Variants in SPATS2 observed in about 807,000 individuals in gnomAD.
SPATS2 encodes the protein spermatogenesis associated serine rich 2, also known as spermatogenesis-associated serine-rich protein 2.
SPATS2 carries 38 observed loss-of-function variants against 63.7 expected under a neutral mutation model. The observed-to-expected ratio is 0.60, with a 90% confidence interval of 0.46 to 0.78. The LOEUF (loss-of-function observed/expected upper bound fraction) is 0.78. Among genes scored for constraint, SPATS2 ranks in the 30% least tolerant of loss-of-function variants. The pLI is 0.00. For missense variants in SPATS2, 588 were observed against 666.2 expected, an observed-to-expected ratio of 0.88 and a Z score of 1.29; for synonymous variants, 207 against 232.9, an observed-to-expected ratio of 0.89 and a Z score of 1.01.
At chr12:49,441,234 A>G (rs1218704070) in intron 2 of SPATS2, among the ~76,000 whole-genome samples, 1 of 152,176 alleles carries the variant, frequency 6.6e-6, no homozygotes, top group Non-Finnish European at 1.5e-5. Flanking sequence ...GGCTTGGATT[A>G]GTACTTATTT....
At chr12:49,500,745 C>A (rs1195064374) in intron 9 of SPATS2, among the ~76,000 whole-genome samples, 1 of 151,638 alleles carries the variant, frequency 6.6e-6, no homozygotes, top group Non-Finnish European at 1.5e-5. Context: ...GCACTCCAGG[C>A]TGGGCGACAG....
At chr12:49,432,330 G>T (rs752198274) in intron 2 of SPATS2, among the ~76,000 whole-genome samples, 5 of 152,160 alleles carry the variant, frequency 3.3e-5, no homozygotes, top group African/African-American at 4.8e-5. Context: ...AAATTAGCTG[G>T]GTGTGGTGGC....
rs1314068417 is a variant in SPATS2, at chr12:49,456,963, A to G, written c.-243-3807A>G. ...AGGTTTGCTTCATTGCATTCATTCTATTTTCATCTGTGTCTATTCTGTTTC... is the reference window on the plus strand; with the variant it reads ...AGGTTTGCTTCATTGCATTCATTCTGTTTTCATCTGTGTCTATTCTGTTTC... On this transcript the variant is annotated intron_variant, in intron 2 of 13. Coordinates refer to ENST00000552918, the MANE Select transcript of SPATS2 (RefSeq NM_023071.4). 2.6e-5 allele frequency among the ~76,000 whole-genome samples: 4 copies of G among 151,474 alleles called. No individual in the cohort carries two copies. In the East Asian group the frequency reaches 7.8e-4, roughly 29 times the overall value.
intron 2 of SPATS2, among the ~76,000 whole-genome samples, chr12:49,435,514 C>CG (rs1945261156): frequency 6.7e-6 from 1 of 149,318 alleles, no homozygotes; most frequent in African/African-American, 2.5e-5. Context: ...TTAGTAGGGA[C>CG]GGGGTTTTGC....
At position 49,484,093 on chromosome 12, in the gene SPATS2, G is replaced by A. The variant is rs184353472; in HGVS notation, c.26-497G>A. Among the ~76,000 whole-genome samples the A allele has an allele frequency of 2.0e-4, 31 of 152,168 alleles. No individual in the cohort carries two copies. In the East Asian group the frequency reaches 5.0e-3, roughly 25 times the overall value. On this transcript the variant is annotated intron_variant, in intron 3 of 13. Transcript: ENST00000552918. ...ATAACCTACAACTTGGATGCCTTGC[G>A]TCATCAAGCATTATATTAGGGACAC... is the stretch of plus-strand genomic sequence containing the variant.
chr12:49,458,324 C>G (rs982719079), intron 2 of SPATS2, among the ~76,000 whole-genome samples: 1 of 146,326 alleles, frequency 6.8e-6, no homozygotes, highest in African/African-American at 2.5e-5. Context: ...AAAAATTAGT[C>G]GGGTGTGGTG....
chr12:49,380,323 C>T (rs1036793680), intron 2 of SPATS2, among the ~76,000 whole-genome samples: 1 of 151,934 alleles, frequency 6.6e-6, no homozygotes, highest in Non-Finnish European at 1.5e-5. Flanking sequence ...CATGCCTGAC[C>T]GAGAACCTCA....
intron 2 of SPATS2, among the ~76,000 whole-genome samples, chr12:49,433,636 T>TTTGTTG (rs137999795): frequency 2.0e-5 from 3 of 151,936 alleles, no homozygotes; most frequent in African/African-American, 7.3e-5. Context: ...CAGTTGGGTT[T>TTTGTTG]TTGTTGTTGT....
At position 49,526,342 on chromosome 12, in the gene SPATS2, C is replaced by G. The variant is rs1838421611; in HGVS notation, c.*87C>G. 1 of 1,441,942 alleles carries G rather than the reference C, an allele frequency of 6.9e-7. No homozygotes were observed. Among genetic ancestry groups the G allele is most frequent in the Non-Finnish European group, 9.2e-7 (1 of 1,083,988 alleles). The allele number at this position is 1,441,942 out of a possible 1,614,324, so 89.3% of individuals were successfully genotyped here. A position where few individuals can be genotyped will look rare whatever the true frequency, so the allele number is the denominator to read the frequency against. ...GGAAACTTACAGTTAGATGTAATAA[C>G]AAAAAGAAGTTTATGCGTATCACTT... On this transcript the variant is annotated 3_prime_UTR_variant, in exon 14 of 14. Coordinates refer to ENST00000552918, the MANE Select transcript of SPATS2 (RefSeq NM_023071.4).
intron 2 of SPATS2, among the ~76,000 whole-genome samples, chr12:49,398,594 GGAA>G (rs1334340190): frequency 2.6e-5 from 4 of 152,306 alleles, no homozygotes; most frequent in African/African-American, 9.6e-5. Flanking sequence ...AGGCACTATG[GGAA>G]GAAGGACAGG....
intron 2 of SPATS2, among the ~76,000 whole-genome samples, chr12:49,380,654 C>T (rs1028591605): frequency 2.0e-5 from 3 of 151,648 alleles, no homozygotes; most frequent in Non-Finnish European, 4.4e-5. Context: ...TGCAGTGAGC[C>T]GAGATGGCAC....
chr12:49,475,884 A>G (rs191225564), intron 3 of SPATS2, among the ~76,000 whole-genome samples: 3 of 152,304 alleles, frequency 2.0e-5, no homozygotes, highest in Non-Finnish European at 2.9e-5. Context: ...ATTAAAGTCA[A>G]TATCATTGCC....
intron 9 of SPATS2, among the ~76,000 whole-genome samples, chr12:49,513,229 G>A (rs966921063): frequency 3.3e-5 from 5 of 151,486 alleles, no homozygotes; most frequent in African/African-American, 1.2e-4. Flanking sequence ...GTGTGTGTGT[G>A]TGTGTGTTTG....
intron 3 of SPATS2, among the ~76,000 whole-genome samples, chr12:49,482,318 G>T (rs2137820849): frequency 6.6e-6 from 1 of 152,330 alleles, no homozygotes; most frequent in East Asian, 1.9e-4. Flanking sequence ...AGGAAGGGAG[G>T]AGAGTAAGGT....
chr12:49,425,969 T>C (rs1945068421), intron 2 of SPATS2, among the ~76,000 whole-genome samples: 1 of 152,190 alleles, frequency 6.6e-6, no homozygotes, highest in Non-Finnish European at 1.5e-5. Context: ...TAATTGTAAT[T>C]ATGAGCACAA....
chr12:49,411,733 G>T (rs552550862), intron 2 of SPATS2, among the ~76,000 whole-genome samples: 44 of 152,310 alleles, frequency 2.9e-4, no homozygotes, highest in African/African-American at 1.0e-3. Context: ...GATGTGTCTA[G>T]TTGGAAGTGC....
At chr12:49,484,136 C>T (rs529654893) in intron 3 of SPATS2, among the ~76,000 whole-genome samples, 1 of 152,290 alleles carries the variant, frequency 6.6e-6, no homozygotes, top group South Asian at 2.1e-4. Context: ...AATGTATTCA[C>T]GGGTTTATAG....
chr12:49,463,249 CAA>C (rs774893533), intron 3 of SPATS2: 9 of 133,474 alleles, frequency 6.7e-5, no homozygotes, highest in Admixed American at 7.6e-5. Context: ...ACTAAAAATA[CAA>C]AAAAAAAAAA....
intron 2 of SPATS2, among the ~76,000 whole-genome samples, chr12:49,420,833 G>A (rs929106815): frequency 8.6e-5 from 13 of 152,006 alleles, no homozygotes; most frequent in African/African-American, 3.1e-4. Flanking sequence ...GTGAAACTCT[G>A]TCTCTACAAA....
Sources: allele counts gnomAD v4.1 joint callset (sites outside exome capture counted in the v4.1 genomes callset), GRCh38; gene constraint gnomAD v4.1.1; transcripts MANE v1.5; gene names NCBI Gene and HGNC (gene_info 2026-07-23, HGNC 2026-07-21).